Variants in C1GALT1 observed in about 807,000 individuals in gnomAD.
C1GALT1 encodes the protein core 1 synthase, glycoprotein-N-acetylgalactosamine 3-beta-galactosyltransferase 1.
A neutral mutation model predicts 31.0 loss-of-function variants in C1GALT1; 11 were observed. That is an observed-to-expected ratio of 0.36 (90% CI 0.22 to 0.59). C1GALT1 has a LOEUF of 0.59. Ranked by LOEUF, C1GALT1 falls within the 20% of genes least tolerant of loss-of-function variation. The pLI is 0.79. For missense variants in C1GALT1, 424 were observed against 425.2 expected, an observed-to-expected ratio of 1.00 and a Z score of 0.03; for synonymous variants, 175 against 143.6, an observed-to-expected ratio of 1.22 and a Z score of -1.56.
chr7:7,167,094 G>T (rs1466313449), intron 2 of C1GALT1, among the ~76,000 whole-genome samples: 1 of 152,186 alleles, frequency 6.6e-6, no homozygotes, highest in African/African-American at 2.4e-5. Context: ...CCCAGGGTCT[G>T]GAAAAGTCAC....
At chr7:7,175,969 G>A (rs759928271) in intron 2 of C1GALT1, among the ~76,000 whole-genome samples, 1 of 152,134 alleles carries the variant, frequency 6.6e-6, no homozygotes, top group African/African-American at 2.4e-5. Context: ...AACCCCAAAA[G>A]GATAGGGTTG....
At chr7:7,170,115 T>A (rs1395898741) in intron 2 of C1GALT1, among the ~76,000 whole-genome samples, 3 of 152,224 alleles carry the variant, frequency 2.0e-5, no homozygotes, top group Non-Finnish European at 4.4e-5. Flanking sequence ...ATCTAGATTA[T>A]CCAGAGCTGG....
intron 1 of C1GALT1, among the ~76,000 whole-genome samples, chr7:7,231,049 G>T (rs1259641403): frequency 1.3e-5 from 2 of 152,118 alleles, no homozygotes; most frequent in South Asian, 2.1e-4. Context: ...AAATAGAACT[G>T]TTAGTGATAA....
At chr7:7,183,233 C>T (rs1465590476) in intron 1 of C1GALT1, among the ~76,000 whole-genome samples, 4 of 152,002 alleles carry the variant, frequency 2.6e-5, no homozygotes, top group East Asian at 1.9e-4. Context: ...CTCCCGGGCC[C>T]TCCCCGCCCC....
At chr7:7,190,193 G>T (rs1291877957) in intron 1 of C1GALT1, among the ~76,000 whole-genome samples, 2 of 152,110 alleles carry the variant, frequency 1.3e-5, no homozygotes, top group African/African-American at 2.4e-5. Context: ...GTGGAGTTTG[G>T]ATAAAGTTTA....
At chr7:7,226,211 G>A (rs1001855428) in intron 1 of C1GALT1, among the ~76,000 whole-genome samples, 12 of 145,486 alleles carry the variant, frequency 8.2e-5, no homozygotes, top group South Asian at 6.3e-4. Context: ...AATCTTTTGG[G>A]AAAATATAAA....
Position 7,244,791 on chromosome 7 carries a change from A to G in C1GALT1, c.*1064A>G, listed in dbSNP as rs1783778306. On this transcript the variant is annotated 3_prime_UTR_variant, in exon 4 of 4. Transcript: ENST00000436587. ...GAGGTGGCTATTAGTTACAGTGGCA[A>G]GATTATTTAGAAAGCAAGATTTTGA... is the stretch of plus-strand genomic sequence containing the variant. 1 of 152,216 alleles carries G rather than the reference A, an allele frequency of 6.6e-6. No homozygotes were observed. The highest frequency in any genetic ancestry group is 2.4e-5 in the African/African-American group (1 of 41,460). 9.4% of individuals were successfully genotyped at this position (152,216 alleles called of 1,614,324 possible).
At position 7,246,230 on chromosome 7, in the gene C1GALT1, G is replaced by GTAACTT. The variant is rs1783838370; in HGVS notation, c.*2505_*2510dup. The stretch of plus-strand genomic sequence containing the variant: ...AAGGAAACTGAGGCTCAGAGACAAA[G>GTAACTT]TAACTTTGTCACTGTCACAAAGCTA... On this transcript the variant is annotated 3_prime_UTR_variant, in exon 4 of 4. Coordinates refer to ENST00000436587, the MANE Select transcript of C1GALT1 (RefSeq NM_020156.5). 6.9e-6 allele frequency: 1 copy of GTAACTT among 144,524 alleles called. No homozygotes were observed. Among genetic ancestry groups the GTAACTT allele is most frequent in the Admixed American group, 6.9e-5 (1 of 14,586 alleles). 9.0% of individuals were successfully genotyped at this position (144,524 alleles called of 1,614,324 possible).
chr7:7,196,952 A>T (rs2128234216), intron 1 of C1GALT1, among the ~76,000 whole-genome samples: 1 of 152,198 alleles, frequency 6.6e-6, no homozygotes, highest in East Asian at 1.9e-4. Context: ...GCCCTTTATC[A>T]GATGGGTAGA....
At chr7:7,184,247 TAGTA>T (rs1302673170) in intron 1 of C1GALT1, among the ~76,000 whole-genome samples, 3 of 152,354 alleles carry the variant, frequency 2.0e-5, no homozygotes, top group South Asian at 2.1e-4. Flanking sequence ...AACAATGACT[TAGTA>T]AGGAAAGTAT....
chr7:7,180,006 G>T (rs1419802246), upstream of C1GALT1, among the ~76,000 whole-genome samples: 1 of 152,132 alleles, frequency 6.6e-6, no homozygotes, highest in Non-Finnish European at 1.5e-5. Context: ...GAAAGTCTAG[G>T]GGCATGAATA....
chr7:7,176,798 A>G (rs1252824761), intron 2 of C1GALT1, among the ~76,000 whole-genome samples: 1 of 152,212 alleles, frequency 6.6e-6, no homozygotes, highest in Admixed American at 6.5e-5. Context: ...GTAAAGATGT[A>G]GCTACAAGGA....
intron 1 of C1GALT1, among the ~76,000 whole-genome samples, chr7:7,190,008 T>C (rs1234184308): frequency 6.6e-6 from 1 of 152,164 alleles, no homozygotes; most frequent in Non-Finnish European, 1.5e-5. Flanking sequence ...ATAGAGTCTT[T>C]ATTTCAACCT....
upstream of C1GALT1, among the ~76,000 whole-genome samples, chr7:7,179,177 C>A (rs1451965604): frequency 1.3e-5 from 2 of 152,170 alleles, no homozygotes; most frequent in East Asian, 3.9e-4. Flanking sequence ...CTGGCCCCAA[C>A]AAGTAATCCT....
chr7:7,238,986 A>C lies in C1GALT1; in HGVS notation c.888+64A>C. 7.8e-7 allele frequency: 1 copy of C among 1,281,022 alleles called. No homozygotes were observed. 79.4% of individuals were successfully genotyped at this position (1,281,022 alleles called of 1,614,324 possible). A position where few individuals can be genotyped will look rare whatever the true frequency, so the allele number is the denominator to read the frequency against. ...CTGACTGAATTTTGTTGATAAAAAC[A>C]TGTTAATATGTGTATGTTTCTTTAG... On this transcript the variant is annotated intron_variant, in intron 3 of 3. Coordinates refer to ENST00000436587, the MANE Select transcript of C1GALT1 (RefSeq NM_020156.5). The surrounding 1 kb of genome is among the most constrained non-coding windows in gnomAD (Gnocchi z 5.2).
intron 1 of C1GALT1, among the ~76,000 whole-genome samples, chr7:7,222,727 G>A (rs746549910): frequency 5.9e-5 from 9 of 152,156 alleles, no homozygotes; most frequent in Non-Finnish European, 1.3e-4. Context: ...TAGTAATGGC[G>A]TTATAGTTTT....
intron 1 of C1GALT1, among the ~76,000 whole-genome samples, chr7:7,206,672 G>A (rs143313340): frequency 2.8e-5 from 3 of 108,178 alleles, no homozygotes; most frequent in African/African-American, 1.1e-4. Flanking sequence ...GCAAAACTCC[G>A]TCTCAAAAAA....
At chr7:7,230,674 A>AT (rs1306157689) in intron 1 of C1GALT1, among the ~76,000 whole-genome samples, 2 of 73,048 alleles carry the variant, frequency 2.7e-5, no homozygotes, top group African/African-American at 1.0e-4. Context: ...TTCCCATTTC[A>AT]TTTTTTTGTA....
At chr7:7,237,703 A>G (rs1487643682) in intron 2 of C1GALT1, among the ~76,000 whole-genome samples, 3 of 152,192 alleles carry the variant, frequency 2.0e-5, no homozygotes, top group African/African-American at 7.2e-5. Flanking sequence ...ACTTGTAGAA[A>G]TTCTTAATAG....
Sources: allele counts gnomAD v4.1 joint callset (sites outside exome capture counted in the v4.1 genomes callset), GRCh38; gene constraint gnomAD v4.1.1; non-coding constraint Gnocchi (gnomAD v3.1); transcripts MANE v1.5; gene names NCBI Gene and HGNC (gene_info 2026-07-23, HGNC 2026-07-21).